Variants in FSTL1 observed in about 807,000 individuals in gnomAD.
FSTL1 encodes the protein follistatin-related protein 1.
Under a neutral mutation model 45.9 loss-of-function variants are expected in FSTL1, and 24 were observed. That is an observed-to-expected ratio of 0.52 (90% confidence interval 0.38 to 0.74). The LOEUF (loss-of-function observed/expected upper bound fraction) is 0.74, where lower values mean the gene tolerates loss of function less well. Among genes scored for constraint, FSTL1 ranks in the 30% least tolerant of loss-of-function variants. The pLI, the probability that FSTL1 is intolerant of heterozygous loss-of-function variation, is 0.00. For missense variants in FSTL1, 340 were observed against 381.8 expected (o/e 0.89, Z 0.91); for synonymous variants, 120 against 137.6 (o/e 0.87, Z 0.89).
chr3:120,412,046 CACACAT>C, intron 3 of FSTL1, 63 bp from the exon 4 acceptor site: 11 of 705,146 alleles, frequency 1.6e-5, no homozygotes, highest in South Asian at 7.1e-5. Context: ...GACACACACA[CACACAT>C]ACATGCACAC....
chr3:120,400,168 C>T (rs1175595953), intron 9 of FSTL1: 2 of 582,488 alleles, frequency 3.4e-6, no homozygotes, highest in African/African-American at 3.7e-5. Flanking sequence ...GCAATCTACC[C>T]CAACTCCTCT....
Position 120,403,264 on chromosome 3 carries a change from T to C in FSTL1, c.672A>G (p.Pro224=), listed in dbSNP as rs1433737084. The part of the protein sequence containing the change: ...SFQEFLKCLN[P]SFNPPEKKCA... ...TACTCTTCTCAGGAGGGTTGAAAGA[T>C]GGGTTGAGGCACTTGAGAAACTCTT... is the stretch of plus-strand genomic sequence containing the variant. Residue 224 remains proline (P), a synonymous_variant, in exon 8 of 11, where the codon CCA becomes CCG. Coordinates refer to ENST00000295633, the MANE Select transcript of FSTL1 (RefSeq NM_007085.5). 6.2e-7 allele frequency: 1 copy of C among 1,603,206 alleles called. No individual in the cohort carries two copies. Among genetic ancestry groups the C allele is most frequent in the Non-Finnish European group, 8.5e-7 (1 of 1,170,054 alleles).
intron 10 of FSTL1, among the ~76,000 whole-genome samples, chr3:120,399,107 A>C (rs1197020448): frequency 6.6e-6 from 1 of 152,192 alleles, no homozygotes; most frequent in Non-Finnish European, 1.5e-5. Context: ...ATTCCTTAAA[A>C]ACTTCTATGT....
At chr3:120,424,577 G>A (rs948360594) in intron 2 of FSTL1, among the ~76,000 whole-genome samples, 5 of 152,162 alleles carry the variant, frequency 3.3e-5, no homozygotes, top group Non-Finnish European at 7.4e-5. Flanking sequence ...AATGGGTAAG[G>A]CGGAATTGGG....
chr3:120,419,502 A>G (rs1937242089), intron 2 of FSTL1: 1 of 152,138 alleles, frequency 6.6e-6, no homozygotes, highest in South Asian at 2.1e-4. Flanking sequence ...GTGGGGGAAA[A>G]GAACACCTTG....
intron 2 of FSTL1, among the ~76,000 whole-genome samples, chr3:120,444,361 G>A (rs72958801): frequency 0.082 from 12,241 of 149,330 alleles, 2,775 homozygotes; most frequent in African/African-American, 0.29. Context: ...CTAGAATATT[G>A]CTGAGTAGGA....
chr3:120,409,509 T>C (rs113090248), intron 6 of FSTL1, 23 bp downstream of exon 6: 4 of 1,610,378 alleles, frequency 2.5e-6, no homozygotes, highest in East Asian at 2.2e-5. Context: ...GCCTGAATAG[T>C]CTTCCTCCTA....
intron 6 of FSTL1, among the ~76,000 whole-genome samples, chr3:120,408,779 C>A (rs2107653698): frequency 6.6e-6 from 1 of 151,430 alleles, no homozygotes; most frequent in Non-Finnish European, 1.5e-5. Flanking sequence ...GTGTCCTTCT[C>A]TGTGCTTCTG....
intron 9 of FSTL1, chr3:120,400,232 C>CA (rs1454490772): frequency 8.8e-6 from 4 of 452,898 alleles, no homozygotes; most frequent in Middle Eastern, 6.1e-4. Flanking sequence ...GCTGGCCCTA[C>CA]AAAAAAAGTT....
intron 10 of FSTL1, among the ~76,000 whole-genome samples, chr3:120,399,550 T>C (rs1440625272): frequency 6.6e-6 from 1 of 152,174 alleles, no homozygotes; most frequent in African/African-American, 2.4e-5. Flanking sequence ...GTCTGGACAC[T>C]GGTCATGACA....
rs1937240654 is a variant in FSTL1, at chr3:120,419,403, G to A, written c.64-3376C>T. ...TCTCCAAGCCTCATCTTCTCTGGGA[G>A]TGGGAGTGTCAGGTGCATCCCCGAG... On this transcript the variant is annotated intron_variant, in intron 2 of 10. Coordinates refer to ENST00000295633, the MANE Select transcript of FSTL1 (RefSeq NM_007085.5). 2.6e-5 allele frequency: 4 copies of A among 152,252 alleles called. No individual in the cohort carries two copies. The South Asian group carries it at 8.3e-4, about 31-fold the overall frequency. The allele number at this position is 152,252 out of a possible 1,614,324, so 9.4% of individuals were successfully genotyped here. A position where few individuals can be genotyped will look rare whatever the true frequency, so the allele number is the denominator to read the frequency against.
intron 6 of FSTL1, among the ~76,000 whole-genome samples, chr3:120,408,609 G>A (rs972619177): frequency 4.6e-5 from 7 of 152,182 alleles, no homozygotes; most frequent in Non-Finnish European, 8.8e-5. Context: ...GCATGTGAGG[G>A]AGTAGATGGC....
intron 5 of FSTL1, chr3:120,409,994 C>T: frequency 5.4e-6 from 1 of 185,622 alleles, no homozygotes; most frequent in Non-Finnish European, 1.1e-5. Flanking sequence ...AAGCAGCTCT[C>T]TTGACTCAAA....
chr3:120,447,776 G>A (rs1937789250), intron 2 of FSTL1, among the ~76,000 whole-genome samples: 1 of 152,150 alleles, frequency 6.6e-6, no homozygotes, highest in Non-Finnish European at 1.5e-5. Context: ...AGCCTCCTGA[G>A]TAGCTGGGAC....
Position 120,393,573 on chromosome 3 carries a change from C to G in FSTL1, c.*3379G>C, listed in dbSNP as rs1936631860. 1 of 152,196 alleles carries G rather than the reference C, an allele frequency of 6.6e-6. No individual in the cohort carries two copies. Among genetic ancestry groups the G allele is most frequent in the African/African-American group, 2.4e-5 (1 of 41,446 alleles). The allele number at this position is 152,196 out of a possible 1,614,324, so 9.4% of individuals were successfully genotyped here. A position where few individuals can be genotyped will look rare whatever the true frequency, so the allele number is the denominator to read the frequency against. On this transcript the variant is annotated 3_prime_UTR_variant, in exon 11 of 11. Coordinates refer to ENST00000295633, the MANE Select transcript of FSTL1 (RefSeq NM_007085.5). ...ACCTTCCCATGTTTATTTGCCTTCT[C>G]ACAGGCTACTGCAGTCAGCCTCACT...
chr3:120,417,696 G>A (rs1937211780), intron 2 of FSTL1, among the ~76,000 whole-genome samples: 1 of 152,160 alleles, frequency 6.6e-6, no homozygotes, highest in Non-Finnish European at 1.5e-5. Context: ...AAAAGGAAGA[G>A]GAAAAGGTTT....
At position 120,411,976 on chromosome 3, in the gene FSTL1, T is replaced by C. The variant is rs1437120802; in HGVS notation, c.176A>G (p.Lys59Arg). 3 of 1,611,608 alleles carry C rather than the reference T, an allele frequency of 1.9e-6. No homozygotes were observed. Among genetic ancestry groups the C allele is most frequent in the East Asian group, 2.2e-5 (1 of 44,832 alleles). ...GCCACACACAGGCCTCTTGTGAGGT[T>C]TGCATTGCTGAAACAGACCCAAAAG... Reference protein sequence around the residue: ...EPTCLCIEQCKPHKRPVCGSN... With the variant: ...EPTCLCIEQCRPHKRPVCGSN... Residue 59 changes from lysine to arginine, a missense_variant, in exon 4 of 11, where the codon AAA (lysine) becomes AGA (arginine). By Grantham distance (26) the Lys-to-Arg change is conservative. Coordinates refer to ENST00000295633, the MANE Select transcript of FSTL1 (RefSeq NM_007085.5).
intron 2 of FSTL1, among the ~76,000 whole-genome samples, chr3:120,429,388 A>G (rs1262975057): frequency 6.6e-6 from 1 of 152,256 alleles, no homozygotes; most frequent in Non-Finnish European, 1.5e-5. Context: ...ATATTTTATC[A>G]TCCAAATGGG....
intron 3 of FSTL1, among the ~76,000 whole-genome samples, chr3:120,415,170 G>A (rs1937165979): frequency 6.7e-6 from 1 of 148,464 alleles, no homozygotes; most frequent in Non-Finnish European, 1.5e-5. Flanking sequence ...CTCATCTACT[G>A]TTTTTAAAAA....
Sources: gnomAD v4.1 joint callset for allele counts (sites outside exome capture counted in the v4.1 genomes callset) on GRCh38, gnomAD v4.1.1 for gene constraint, MANE v1.5 for transcripts, NCBI Gene and HGNC (gene_info 2026-07-23, HGNC 2026-07-21) for gene names.